Variants in COMMD3 observed in about 807,000 individuals in gnomAD.
COMMD3 encodes COMM domain containing 3, also known as COMM domain-containing protein 3.
A neutral mutation model predicts 31.2 loss-of-function variants in COMMD3; 31 were observed. The ratio of observed to expected loss-of-function variants is 0.99; its 90% CI spans 0.75 to 1.34. The LOEUF (loss-of-function observed/expected upper bound fraction) is 1.34, where lower values mean the gene tolerates loss of function less well. Among genes scored for constraint, COMMD3 ranks in the 40% most tolerant of loss-of-function variants. COMMD3 has a pLI of 0.00. For synonymous variants in COMMD3, 108 were observed against 87.3 expected (o/e 1.24, Z -1.32); for missense variants, 274 against 236.9 (o/e 1.16, Z -1.03).
In COMMD3 at chr10:22,316,521, G is replaced by A; in HGVS notation, c.104G>A (p.Ser35Asn). ...FTLLLRAAFQ[S>N]LLDAQADEAV... is the part of the protein sequence containing the mutation. Reference sequence around the variant, plus strand: ...CTTCTCCTCCGGGCGGCATTCCAGAGTCTGCTGGACGCCCAGGCGGACGAG... The same window carrying A: ...CTTCTCCTCCGGGCGGCATTCCAGAATCTGCTGGACGCCCAGGCGGACGAG... Residue 35 changes from serine (S) to asparagine (N), a missense_variant, in exon 1 of 8, where the codon AGT becomes AAT. Transcript: ENST00000376836. The A allele has an allele frequency of 6.5e-7, 1 of 1,550,062 alleles. No individual in the cohort carries two copies. The highest frequency in any genetic ancestry group is 8.7e-7 in the Non-Finnish European group (1 of 1,146,406).
rs1415292048 is a variant in COMMD3, at chr10:22,320,290, GTGT to G, written c.*297_*299del. 2.9e-5 allele frequency: 17 copies of G among 584,002 alleles called. No homozygotes were observed. The highest frequency in any genetic ancestry group is 2.7e-4 in the African/African-American group (14 of 52,738). 36.2% of individuals were successfully genotyped at this position (584,002 alleles called of 1,614,324 possible). A position where few individuals can be genotyped will look rare whatever the true frequency, so the allele number is the denominator to read the frequency against. ...CAGTATTACACCCTGAATAAATAAG[GTGT>G]TGTTTTCCACAAAGAGTGATGATAT... On this transcript the variant is annotated 3_prime_UTR_variant, in exon 8 of 8. Transcript: ENST00000376836.
chr10:22,320,131 C>CATCAATTTTGACACTTTA lies in COMMD3; in HGVS notation c.*135_*152dup. ...ATTTTCCTTTTGAATTTATACCATTCATCAATTTTGACACTTTAAAAACGT... is the reference window on the plus strand; with the variant it reads ...ATTTTCCTTTTGAATTTATACCATTCATCAATTTTGACACTTTAATCAATTTTGACACTTTAAAAACGT... On this transcript the variant is annotated 3_prime_UTR_variant, in exon 8 of 8. Transcript: ENST00000376836. 6.4e-7 allele frequency: 1 copy of CATCAATTTTGACACTTTA among 1,560,660 alleles called. No homozygotes were observed. Among genetic ancestry groups the CATCAATTTTGACACTTTA allele is most frequent in the Non-Finnish European group, 8.7e-7 (1 of 1,151,834 alleles).
At chr10:22,319,340 T>G (rs1158076718) in intron 7 of COMMD3, 1 of 229,742 alleles carries the variant, frequency 4.4e-6, no homozygotes, top group African/African-American at 2.3e-5. Flanking sequence ...GAGCATGGCT[T>G]TGAAAATGTC....
At chr10:22,316,689 G>T in intron 1 of COMMD3, 133 bp downstream of exon 1, 1 of 1,338,992 alleles carries the variant, frequency 7.5e-7, no homozygotes, top group Non-Finnish European at 9.6e-7. Context: ...CGCTCCGGAC[G>T]GAGTGTTGGG....
intron 1 of COMMD3, 81 bp from the exon 2 acceptor site, chr10:22,317,801 AAC>A: frequency 6.7e-7 from 1 of 1,493,394 alleles, no homozygotes; most frequent in Non-Finnish European, 9.2e-7. Flanking sequence ...AGGGTTTTTA[AAC>A]CCAAATTAAA....
chr10:22,318,559 T>G, intron 4 of COMMD3, 94 bp from the exon 5 acceptor site: 1 of 1,213,438 alleles, frequency 8.2e-7, no homozygotes, highest in Non-Finnish European at 1.2e-6. Context: ...AAAATGGAGT[T>G]GGGGGTGGAA....
chr10:22,317,214 A>G (rs1835867448), intron 1 of COMMD3, among the ~76,000 whole-genome samples: 1 of 152,198 alleles, frequency 6.6e-6, no homozygotes, highest in Non-Finnish European at 1.5e-5. Context: ...GACATATTTT[A>G]AGACCGATCG....
At chr10:22,319,347 T>G (rs1564346595) in intron 7 of COMMD3, 2 of 219,708 alleles carry the variant, frequency 9.1e-6, no homozygotes, top group Non-Finnish European at 1.8e-5. Context: ...GCTTTGAAAA[T>G]GTCTTTGCTT....
In COMMD3 at chr10:22,318,248, T is replaced by G. The variant is rs187350911; in HGVS notation, c.316-24T>G. On this transcript the variant is annotated intron_variant, in intron 3 of 7. Transcript: ENST00000376836. Reference sequence around the variant, plus strand: ...GTAAAGATGTTTTTTTTTCTTTCTTTCTTGCTTTCTTTTTTCTCTCCAGAA... The same window carrying G: ...GTAAAGATGTTTTTTTTTCTTTCTTGCTTGCTTTCTTTTTTCTCTCCAGAA... The G allele has an allele frequency of 4.1e-4, 652 of 1,599,938 alleles. 2 individuals are homozygous for G. The highest frequency in any genetic ancestry group is 1.0e-3 in the Admixed American group (59 of 56,258).
At chr10:22,317,765 A>T in intron 1 of COMMD3, 119 bp from the exon 2 acceptor site, 1 of 953,914 alleles carries the variant, frequency 1.0e-6, no homozygotes, top group Non-Finnish European at 1.6e-6. Context: ...GACTGTCCTT[A>T]TAGTTGATGT....
chr10:22,317,770 TG>T, intron 1 of COMMD3, 113 bp from the exon 2 acceptor site: 4 of 1,012,642 alleles, frequency 4.0e-6, no homozygotes, highest in Non-Finnish European at 5.9e-6. Context: ...TCCTTATAGT[TG>T]ATGTTTTTAA....
Position 22,318,672 on chromosome 10 carries a change from C to T in COMMD3, c.370C>T (p.His124Tyr), listed in dbSNP as rs1564346240. The T allele has an allele frequency of 5.0e-6, 8 of 1,613,088 alleles. No individual in the cohort carries two copies. The highest frequency in any genetic ancestry group is 5.9e-6 in the Non-Finnish European group (7 of 1,179,230). ...LLGSIGRSLP[H>Y]ITDVSWRLEY... ...TTTCAGTATAGGCAGATCTCTCCCTCATATAACGGATGTTTCTTGGCGCTT... is the reference window on the plus strand; with the variant it reads ...TTTCAGTATAGGCAGATCTCTCCCTTATATAACGGATGTTTCTTGGCGCTT... Residue 124 changes from histidine to tyrosine, a missense_variant, in exon 5 of 8, where the codon CAT becomes TAT. Transcript: ENST00000376836.
intron 1 of COMMD3, chr10:22,317,425 T>G (rs1310258641): frequency 6.6e-6 from 1 of 152,458 alleles, no homozygotes; most frequent in African/African-American, 2.4e-5. Flanking sequence ...TTGAAATTTG[T>G]ATCTTATATT....
At chr10:22,319,104 T>C in intron 7 of COMMD3, 86 bp downstream of exon 7, 1 of 1,393,580 alleles carries the variant, frequency 7.2e-7, no homozygotes, top group South Asian at 1.5e-5. Context: ...AAAAGAAAAT[T>C]AATCTAACCA....
rs559797623 is a variant in COMMD3, at chr10:22,317,962, C to T, written c.218C>T (p.Ala73Val). 6.2e-7 allele frequency: 1 copy of T among 1,613,958 alleles called. No individual in the cohort carries two copies. Among genetic ancestry groups the T allele is most frequent in the Non-Finnish European group, 8.5e-7 (1 of 1,179,922 alleles). The change falls in exon 2 of 8, where the codon GCA becomes GTA. Residue 73 changes from alanine (A) to valine (V), a missense_variant. Physicochemically the swap from Ala to Val is moderately conservative, Grantham distance 64. Coordinates refer to ENST00000376836, the MANE Select transcript of COMMD3 (RefSeq NM_012071.4). ...HAAAATYILE[A>V]GKHRADKSTL... is the part of the protein sequence containing the mutation. ...GCAGCTGCAACTTACATACTAGAGG[C>T]AGGAAAGCACCGAGCTGACAAGTCA...
rs75238457 is a variant in COMMD3 at position 22,318,739 on chromosome 10, G to C, written c.411+26G>C. ...GTAAAGTTTAAGAAACTTCTCTAGC[G>C]GGGGATTTAGGGAACTTCTTAAAAC... On this transcript the variant is annotated intron_variant, in intron 5 of 7. Transcript: ENST00000376836. 2,518 of 1,612,218 alleles carry C rather than the reference G, an allele frequency of 1.6e-3. 24 individuals carry two copies. In the African/African-American group the frequency reaches 0.028, roughly 18 times the overall value.
chr10:22,318,955 C>G lies in COMMD3; in HGVS notation c.469-4C>G, dbSNP rs751963040. 2.5e-6 allele frequency: 4 copies of G among 1,612,246 alleles called. No individual in the cohort carries two copies. Among genetic ancestry groups the G allele is most frequent in the Non-Finnish European group, 3.4e-6 (4 of 1,179,468 alleles). On this transcript the variant is annotated splice_region_variant and splice_polypyrimidine_tract_variant and intron_variant, in intron 6 of 7. Transcript: ENST00000376836. ...CTTGTTGCGTGTTTTTTTTCCTGCCCTAGAACACTGATTCCCCATCCTATC... is the reference window on the plus strand; with the variant it reads ...CTTGTTGCGTGTTTTTTTTCCTGCCGTAGAACACTGATTCCCCATCCTATC...
chr10:22,317,762 C>T (rs1315597552), intron 1 of COMMD3, 122 bp from the exon 2 acceptor site: 2 of 924,456 alleles, frequency 2.2e-6, no homozygotes, highest in South Asian at 1.7e-5. Flanking sequence ...ATTGACTGTC[C>T]TTATAGTTGA....
chr10:22,319,989 TC>T lies in COMMD3; in HGVS notation c.580del (p.Gln194SerfsTer24). The part of the protein sequence containing the change: ...DASKSLERAT[Q>X]L ...CTTCGAAAAGCCTGGAAAGAGCAAC[TC>T]AGTTGTAACTTGGGGAAGTTAACGA... On this transcript the variant is annotated frameshift_variant, in exon 8 of 8. Coordinates refer to ENST00000376836, the MANE Select transcript of COMMD3 (RefSeq NM_012071.4). LOFTEE classifies it high-confidence loss of function. The T allele has an allele frequency of 6.2e-7, 1 of 1,614,116 alleles. No homozygotes were observed. Among genetic ancestry groups the T allele is most frequent in the Non-Finnish European group, 8.5e-7 (1 of 1,179,984 alleles).
Sources: gnomAD v4.1 joint callset for allele counts (sites outside exome capture counted in the v4.1 genomes callset) on GRCh38, gnomAD v4.1.1 for gene constraint, MANE v1.5 for transcripts, NCBI Gene and HGNC (gene_info 2026-07-23, HGNC 2026-07-21) for gene names.